Variants in LUZP2 observed in about 807,000 individuals in gnomAD.
The protein encoded by LUZP2 is leucine zipper protein 2.
LUZP2 carries 52 observed loss-of-function variants against 51.6 expected under a neutral mutation model. That is an observed-to-expected ratio of 1.01 (90% confidence interval 0.81 to 1.27). The LOEUF is 1.27. Ranked by LOEUF, LUZP2 falls within the 50% of genes most tolerant of loss-of-function variation. LUZP2 has a pLI of 0.00. For missense variants in LUZP2, 436 were observed against 395.4 expected (o/e 1.10, Z -0.87); for synonymous variants, 154 against 137.3 (o/e 1.12, Z -0.85).
intron 5 of LUZP2, among the ~76,000 whole-genome samples, chr11:24,772,266 CT>C (rs1394489610): frequency 6.6e-6 from 1 of 152,184 alleles, no homozygotes; most frequent in Non-Finnish European, 1.5e-5. Flanking sequence ...TGGTTCAACT[CT>C]TGTGGCTGTA....
intron 10 of LUZP2, among the ~76,000 whole-genome samples, chr11:25,056,358 A>C (rs562883063): frequency 1.3e-5 from 2 of 152,264 alleles, no homozygotes; most frequent in South Asian, 4.1e-4. Flanking sequence ...GGACAGACTG[A>C]TCATGTTAGC....
intron 5 of LUZP2, among the ~76,000 whole-genome samples, chr11:24,897,085 C>T (rs148078395): frequency 9.9e-4 from 149 of 150,728 alleles, no homozygotes; most frequent in Non-Finnish European, 1.5e-3. Flanking sequence ...GTCTAGTTAA[C>T]CTAGTGGGGA....
intron 10 of LUZP2, among the ~76,000 whole-genome samples, chr11:25,073,751 C>T (rs1445549936): frequency 6.6e-6 from 1 of 151,924 alleles, no homozygotes; most frequent in Non-Finnish European, 1.5e-5. Flanking sequence ...ACTGTTGATT[C>T]TGTGACATAA....
intron 9 of LUZP2, among the ~76,000 whole-genome samples, chr11:25,028,543 A>G (rs1857561626): frequency 6.6e-6 from 1 of 152,232 alleles, no homozygotes; most frequent in South Asian, 2.1e-4. Flanking sequence ...TGAGCACAGA[A>G]AGACCATCTT....
chr11:24,812,387 C>T (rs1056724132), intron 5 of LUZP2, among the ~76,000 whole-genome samples: 1 of 152,148 alleles, frequency 6.6e-6, no homozygotes, highest in Non-Finnish European at 1.5e-5. Context: ...CCTTCTGCTT[C>T]TCAGCTCATT....
chr11:24,796,563 C>A (rs1445077974), intron 5 of LUZP2, among the ~76,000 whole-genome samples: 22 of 99,596 alleles, frequency 2.2e-4, no homozygotes, highest in Middle Eastern at 8.1e-3. Flanking sequence ...AAAAAAAGAG[C>A]CAAAGAGAAA....
intron 1 of LUZP2, among the ~76,000 whole-genome samples, chr11:24,725,728 T>A (rs1320083853): frequency 6.6e-6 from 1 of 152,164 alleles, no homozygotes; most frequent in Non-Finnish European, 1.5e-5. Context: ...AATATGTGCC[T>A]CCAAATTTAT....
rs748339387 is a variant in LUZP2 at position 25,050,006 on chromosome 11, C to G, written c.766-32C>G. Reference sequence around the variant, plus strand: ...CTATTTCTCTTGTATTTAGTGATTTCTTTCTTTCTATCTCTCTTCGTCTCT... The same window carrying G: ...CTATTTCTCTTGTATTTAGTGATTTGTTTCTTTCTATCTCTCTTCGTCTCT... On this transcript the variant is annotated intron_variant, in intron 9 of 11. Transcript: ENST00000336930. 1.6e-5 allele frequency: 22 copies of G among 1,334,744 alleles called. No individual in the cohort carries two copies. The South Asian group carries it at 2.6e-4, about 16-fold the overall frequency. 82.7% of individuals were successfully genotyped at this position (1,334,744 alleles called of 1,614,324 possible).
chr11:24,963,258 C>T (rs1855472814), intron 7 of LUZP2, among the ~76,000 whole-genome samples: 2 of 152,208 alleles, frequency 1.3e-5, no homozygotes, highest in African/African-American at 2.4e-5. Flanking sequence ...CTCAGATCTC[C>T]AGCTGCGTGC....
At chr11:24,922,446 T>G (rs543487139) in intron 7 of LUZP2, among the ~76,000 whole-genome samples, 2 of 152,350 alleles carry the variant, frequency 1.3e-5, no homozygotes, top group South Asian at 4.1e-4. Flanking sequence ...ATTTTTAAAC[T>G]CTTGAGTAAT....
chr11:24,840,855 C>A (rs1042046491), intron 5 of LUZP2, among the ~76,000 whole-genome samples: 23 of 151,884 alleles, frequency 1.5e-4, no homozygotes, highest in African/African-American at 5.1e-4. Flanking sequence ...TAAGAAGAGC[C>A]ACAAATTTAC....
At chr11:24,521,396 A>T (rs2133801978) in intron 1 of LUZP2, among the ~76,000 whole-genome samples, 1 of 151,438 alleles carries the variant, frequency 6.6e-6, no homozygotes, top group South Asian at 2.1e-4. Flanking sequence ...GTAAGAAAAT[A>T]GATTGTTTTA....
chr11:24,788,347 A>G (rs1301311369), intron 5 of LUZP2, among the ~76,000 whole-genome samples: 1 of 151,518 alleles, frequency 6.6e-6, no homozygotes, highest in East Asian at 2.0e-4. Context: ...GCACCACCAT[A>G]CCCAGCTAAT....
At chr11:24,711,788 C>T (rs984921870) in intron 1 of LUZP2, among the ~76,000 whole-genome samples, 2 of 152,064 alleles carry the variant, frequency 1.3e-5, no homozygotes, top group Non-Finnish European at 2.9e-5. Context: ...CTTCTCTGCC[C>T]TCTGTTAAAT....
rs1853976332 is a variant in LUZP2, at chr11:24,607,713, G to T, written c.62+110408G>T. On this transcript the variant is annotated intron_variant, in intron 1 of 11. Transcript: ENST00000336930. ...TGATAAGGATCGCATTGGATCTGTT[G>T]GGGTAGTATGGACTTTTTCATAGCG... Among the ~76,000 whole-genome samples, 3 of 152,072 alleles carry T rather than the reference G, an allele frequency of 2.0e-5. No homozygotes were observed. In the South Asian group the frequency reaches 6.2e-4, roughly 32 times the overall value.
At chr11:24,517,270 G>A (rs1464210747) in intron 1 of LUZP2, among the ~76,000 whole-genome samples, 4 of 151,802 alleles carry the variant, frequency 2.6e-5, no homozygotes, top group Non-Finnish European at 5.9e-5. Context: ...CGGATCATGA[G>A]GTCAGGAGAT....
chr11:24,562,480 G>A (rs1422157278), intron 1 of LUZP2, among the ~76,000 whole-genome samples: 2 of 147,958 alleles, frequency 1.4e-5, no homozygotes, highest in Non-Finnish European at 3.0e-5. Context: ...GAAAAAAAAA[G>A]AAAAGAAACC....
At chr11:24,559,818 T>C (rs1057077081) in intron 1 of LUZP2, among the ~76,000 whole-genome samples, 3 of 152,138 alleles carry the variant, frequency 2.0e-5, no homozygotes, top group Admixed American at 6.6e-5. Flanking sequence ...GGGATAAACA[T>C]TTGGATTTTA....
chr11:24,573,128 A>G (rs1564999628), intron 1 of LUZP2, among the ~76,000 whole-genome samples: 1 of 147,228 alleles, frequency 6.8e-6, no homozygotes, highest in African/African-American at 2.5e-5. Context: ...TTTTTCAAGC[A>G]TGGTATTTAA....
Sources: allele counts gnomAD v4.1 joint callset (sites outside exome capture counted in the v4.1 genomes callset), GRCh38; gene constraint gnomAD v4.1.1; transcripts MANE v1.5; gene names NCBI Gene and HGNC (gene_info 2026-07-23, HGNC 2026-07-21).